RTN4RL2: variants seen among roughly 807,000 people sequenced by gnomAD.
RTN4RL2 encodes the protein reticulon 4 receptor like 2.
RTN4RL2 carries 9 observed loss-of-function variants against 27.8 expected under a neutral mutation model. The observed-to-expected ratio is 0.32, with a 90% CI of 0.20 to 0.57. RTN4RL2 has a LOEUF of 0.57. Among genes scored for constraint, RTN4RL2 ranks in the 20% least tolerant of loss-of-function variants. The pLI is 0.90. For missense variants in RTN4RL2, 436 were observed against 596.8 expected (o/e 0.73, Z 2.81); for synonymous variants, 285 against 297.9 (o/e 0.96, Z 0.45).
At chr11:57,465,784 G>A (rs1943518476) in intron 1 of RTN4RL2, among the ~76,000 whole-genome samples, 1 of 151,812 alleles carries the variant, frequency 6.6e-6, no homozygotes, top group African/African-American at 2.4e-5. Context: ...GGCTCTCTGG[G>A]CCTGCTTTTC....
chr11:57,463,574 C>A (rs1022527371), intron 1 of RTN4RL2, among the ~76,000 whole-genome samples: 1 of 151,820 alleles, frequency 6.6e-6, no homozygotes, highest in African/African-American at 2.4e-5. Flanking sequence ...GGGGTCGGCT[C>A]TAGGTGGCCA....
In RTN4RL2 at chr11:57,476,241, T is replaced by C; in HGVS notation, c.593T>C (p.Val198Ala). The C allele has an allele frequency of 6.2e-7, 1 of 1,612,590 alleles. No homozygotes were observed. Among genetic ancestry groups the C allele is most frequent in the Non-Finnish European group, 8.5e-7 (1 of 1,179,580 alleles). Reference protein sequence around the residue: ...GNRLRLLTEHVFRGLGSLDRL... With the variant: ...GNRLRLLTEHAFRGLGSLDRL... Reference sequence around the variant, plus strand: ...CGCCTGCGGCTGCTCACAGAGCACGTGTTTCGCGGCCTGGGCAGCCTGGAC... The same window carrying C: ...CGCCTGCGGCTGCTCACAGAGCACGCGTTTCGCGGCCTGGGCAGCCTGGAC... The change falls in exon 3 of 3, where the codon GTG becomes GCG. Residue 198 changes from valine (V) to alanine (A), a missense_variant. Coordinates refer to ENST00000335099, the MANE Select transcript of RTN4RL2 (RefSeq NM_178570.3). The surrounding 1 kb of genome is among the most constrained non-coding windows in gnomAD (Gnocchi z 8.2).
rs1230719924 is a variant in RTN4RL2 at position 57,467,110 on chromosome 11, G to A, written c.32-499G>A. On this transcript the variant is annotated intron_variant, in intron 1 of 2. Transcript: ENST00000335099. The surrounding 1 kb of genome is among the most constrained non-coding windows in gnomAD (Gnocchi z 5.5). ...TTTGGCATTATTTTTTAATATATGA[G>A]AAGCCTCAGAAAGTGGAAGTGGCCA... 2.0e-5 allele frequency among the ~76,000 whole-genome samples: 3 copies of A among 152,226 alleles called. No homozygotes were observed. Among genetic ancestry groups the A allele is most frequent in the East Asian group, 1.9e-4 (1 of 5,200 alleles).
intron 2 of RTN4RL2, among the ~76,000 whole-genome samples, 162 bp downstream of exon 2, chr11:57,468,252 A>G (rs1220947811): frequency 6.6e-6 from 1 of 150,586 alleles, no homozygotes. Flanking sequence ...TCTCTCTTAC[A>G]TTCTCCAGGG....
At position 57,476,314 on chromosome 11, in the gene RTN4RL2, C is replaced by G. The variant is rs1429849856; in HGVS notation, c.666C>G (p.Ala222=). 6.2e-7 allele frequency: 1 copy of G among 1,611,172 alleles called. No individual in the cohort carries two copies. The highest frequency in any genetic ancestry group is 8.5e-7 in the Non-Finnish European group (1 of 1,178,974). Residue 222 remains alanine, a synonymous_variant, in exon 3 of 3, where the codon GCC becomes GCG. Transcript: ENST00000335099. The surrounding 1 kb of genome is among the most constrained non-coding windows in gnomAD (Gnocchi z 8.2). ...GNRLQGVHRA[A]FRGLSRLTIL... is the part of the protein sequence containing the mutation. ...GGCTGCAGGGCGTGCACCGCGCGGCCTTCCGCGGCCTCAGCCGCCTCACCA... is the reference window on the plus strand; with the variant it reads ...GGCTGCAGGGCGTGCACCGCGCGGCGTTCCGCGGCCTCAGCCGCCTCACCA...
At chr11:57,471,031 T>A (rs1426667500) in intron 2 of RTN4RL2, among the ~76,000 whole-genome samples, 1 of 151,524 alleles carries the variant, frequency 6.6e-6, no homozygotes, top group African/African-American at 2.4e-5. Context: ...AAGTCAGGAG[T>A]TCGAGACCAG....
chr11:57,465,851 A>G (rs527496802), intron 1 of RTN4RL2, among the ~76,000 whole-genome samples: 51 of 129,498 alleles, frequency 3.9e-4, no homozygotes, highest in African/African-American at 9.1e-4. Context: ...ACTTTGGGGG[A>G]AAAAAAAAAA....
Position 57,476,715 on chromosome 11 carries a change from C to A in RTN4RL2, c.1067C>A (p.Ser356Ter). ...TLYRDLPAED[S>*]RGRQGGDAPT... ...TACCGAGATCTGCCTGCCGAAGACT[C>A]GCGGGGGCGCCAGGGCGGGGACGCG... The change falls in exon 3 of 3, where the codon TCG (serine) becomes TAG (stop). Residue 356 changes from serine to a stop codon, truncating the protein, a stop_gained. Transcript: ENST00000335099. LOFTEE classifies it high-confidence loss of function. The surrounding 1 kb of genome is among the most constrained non-coding windows in gnomAD (Gnocchi z 8.2). 1 of 1,438,048 alleles carries A rather than the reference C, an allele frequency of 7.0e-7. No individual in the cohort carries two copies. Among genetic ancestry groups the A allele is most frequent in the Non-Finnish European group, 9.1e-7 (1 of 1,104,068 alleles). 89.1% of individuals were successfully genotyped at this position (1,438,048 alleles called of 1,614,324 possible). A position where few individuals can be genotyped will look rare whatever the true frequency, so the allele number is the denominator to read the frequency against.
In RTN4RL2 at chr11:57,477,396, A is replaced by T. The variant is rs1371728751; in HGVS notation, c.*485A>T. Reference sequence around the variant, plus strand: ...CCCTCAACCTCCTGACACTGGAGGAATACTTTTCTCCTAAGTCTACCCTGG... The same window carrying T: ...CCCTCAACCTCCTGACACTGGAGGATTACTTTTCTCCTAAGTCTACCCTGG... On this transcript the variant is annotated 3_prime_UTR_variant, in exon 3 of 3. Transcript: ENST00000335099. The T allele has an allele frequency of 1.3e-5, 2 of 155,304 alleles. No individual in the cohort carries two copies. The highest frequency in any genetic ancestry group is 2.8e-5 in the Non-Finnish European group (2 of 70,360). 9.6% of individuals were successfully genotyped at this position (155,304 alleles called of 1,614,324 possible).
rs560899030 is a variant in RTN4RL2, at chr11:57,466,031, C to T, written c.32-1578C>T. Among the ~76,000 whole-genome samples, 44 of 132,932 alleles carry T rather than the reference C, an allele frequency of 3.3e-4. No homozygotes were observed. The South Asian group carries it at 3.4e-3, about 10-fold the overall frequency. The allele number at this position is 132,932 out of a possible 152,430, so 87.2% of individuals were successfully genotyped here. A position where few individuals can be genotyped will look rare whatever the true frequency, so the allele number is the denominator to read the frequency against. On this transcript the variant is annotated intron_variant, in intron 1 of 2. Transcript: ENST00000335099. ...TTTTTTTTTTTTTGATACAGAGTCT[C>T]GCTGTGTCACCCAGGCTGGAGTGCA...
At chr11:57,463,370 AG>A (rs1243632789) in intron 1 of RTN4RL2, among the ~76,000 whole-genome samples, 1 of 152,028 alleles carries the variant, frequency 6.6e-6, no homozygotes, top group Non-Finnish European at 1.5e-5. Context: ...ACTTTAGAGG[AG>A]GGGGTGAGCA....
At chr11:57,470,734 A>C (rs1250265867) in intron 2 of RTN4RL2, among the ~76,000 whole-genome samples, 1 of 152,214 alleles carries the variant, frequency 6.6e-6, no homozygotes, top group Non-Finnish European at 1.5e-5. Context: ...AAATCTCCTT[A>C]TCAATATATA....
At position 57,476,689 on chromosome 11, in the gene RTN4RL2, C is replaced by T. The variant is rs1943598672; in HGVS notation, c.1041C>T (p.Leu347=). The T allele has an allele frequency of 7.0e-7, 1 of 1,438,440 alleles. No homozygotes were observed. The highest frequency in any genetic ancestry group is 1.5e-5 in the African/African-American group (1 of 67,206). The allele number at this position is 1,438,440 out of a possible 1,614,324, so 89.1% of individuals were successfully genotyped here. A position where few individuals can be genotyped will look rare whatever the true frequency, so the allele number is the denominator to read the frequency against. ...AGAPPADPST[L]YRDLPAEDSR... is the part of the protein sequence containing the mutation. ...CGCCCCCAGCCGATCCCTCCACCCT[C>T]TACCGAGATCTGCCTGCCGAAGACT... is the stretch of plus-strand genomic sequence containing the variant. The change falls in exon 3 of 3, where the codon CTC becomes CTT. Residue 347 remains leucine (L), a synonymous_variant. Coordinates refer to ENST00000335099, the MANE Select transcript of RTN4RL2 (RefSeq NM_178570.3). The surrounding 1 kb of genome is among the most constrained non-coding windows in gnomAD (Gnocchi z 8.2).
chr11:57,476,537 C>A lies in RTN4RL2; in HGVS notation c.889C>A (p.Arg297=), dbSNP rs1446810382. ...TCATPPERQG[R]DLRALREADF... ...CGCCACCCCCCCGGAGCGCCAGGGC[C>A]GAGACCTGCGCGCGCTCCGCGAGGC... Residue 297 remains arginine, a synonymous_variant, in exon 3 of 3, where the codon CGA becomes AGA. Coordinates refer to ENST00000335099, the MANE Select transcript of RTN4RL2 (RefSeq NM_178570.3). This position sits in a 1 kb window ranked among gnomAD's most constrained non-coding sequence, Gnocchi z 8.2. The A allele has an allele frequency of 2.1e-6, 3 of 1,416,508 alleles. No individual in the cohort carries two copies. The highest frequency in any genetic ancestry group is 2.7e-6 in the Non-Finnish European group (3 of 1,094,136). 87.7% of individuals were successfully genotyped at this position (1,416,508 alleles called of 1,614,324 possible). A position where few individuals can be genotyped will look rare whatever the true frequency, so the allele number is the denominator to read the frequency against.
In RTN4RL2 at chr11:57,463,675, C is replaced by T. The variant is rs372195440; in HGVS notation, c.31+2779C>T. ...ACAAAATGAAGGCCAGGAGTGGAGC[C>T]GTGGTCCTCGGGAGAGACAGGAGGC... On this transcript the variant is annotated intron_variant, in intron 1 of 2. Coordinates refer to ENST00000335099, the MANE Select transcript of RTN4RL2 (RefSeq NM_178570.3). Among the ~76,000 whole-genome samples the T allele has an allele frequency of 1.4e-4, 21 of 152,048 alleles. No individual in the cohort carries two copies. The South Asian group carries it at 4.4e-3, about 32-fold the overall frequency.
At position 57,476,589 on chromosome 11, in the gene RTN4RL2, C is replaced by T. The variant is rs1036639990; in HGVS notation, c.941C>T (p.Ala314Val). Residue 314 changes from alanine (A) to valine (V), a missense_variant, in exon 3 of 3, where the codon GCA (alanine) becomes GTA (valine). Physicochemically the swap from Ala to Val is moderately conservative, Grantham distance 64. Transcript: ENST00000335099. This position sits in a 1 kb window ranked among gnomAD's most constrained non-coding sequence, Gnocchi z 8.2. ...EADFQACPPA[A>V]PTRPGSRARG... is the part of the protein sequence containing the mutation. ...GACTTCCAGGCGTGTCCGCCCGCGG[C>T]ACCCACGCGGCCGGGCAGCCGCGCC... 2 of 1,399,840 alleles carry T rather than the reference C, an allele frequency of 1.4e-6. No individual in the cohort carries two copies. Among genetic ancestry groups the T allele is most frequent in the Non-Finnish European group, 1.8e-6 (2 of 1,083,542 alleles). 86.7% of individuals were successfully genotyped at this position (1,399,840 alleles called of 1,614,324 possible).
Position 57,477,234 on chromosome 11 carries a change from A to C in RTN4RL2, c.*323A>C, listed in dbSNP as rs1419019459. 8 of 292,798 alleles carry C rather than the reference A, an allele frequency of 2.7e-5. No homozygotes were observed. Among genetic ancestry groups the C allele is most frequent in the Non-Finnish European group, 3.8e-5 (6 of 158,198 alleles). 18.1% of individuals were successfully genotyped at this position (292,798 alleles called of 1,614,324 possible). A position where few individuals can be genotyped will look rare whatever the true frequency, so the allele number is the denominator to read the frequency against. ...GCACTCCTAAGGGCCCACAGCGGAC[A>C]CCAGAGGGGCTTTTGTCTGCAGAGC... On this transcript the variant is annotated 3_prime_UTR_variant, in exon 3 of 3. Coordinates refer to ENST00000335099, the MANE Select transcript of RTN4RL2 (RefSeq NM_178570.3).
chr11:57,461,860 AG>A (rs1034914873), intron 1 of RTN4RL2, among the ~76,000 whole-genome samples: 1 of 151,620 alleles, frequency 6.6e-6, no homozygotes, highest in African/African-American at 2.4e-5. Flanking sequence ...GCTGGAGAGG[AG>A]GGAAGAGGAG....
At position 57,477,173 on chromosome 11, in the gene RTN4RL2, A is replaced by C; in HGVS notation, c.*262A>C. 1 of 387,276 alleles carries C rather than the reference A, an allele frequency of 2.6e-6. No individual in the cohort carries two copies. 24.0% of individuals were successfully genotyped at this position (387,276 alleles called of 1,614,324 possible). A position where few individuals can be genotyped will look rare whatever the true frequency, so the allele number is the denominator to read the frequency against. On this transcript the variant is annotated 3_prime_UTR_variant, in exon 3 of 3. Transcript: ENST00000335099. ...TGGCCATTAACTCTTCCCCATCCCA[A>C]GGCTGGGGTGGGGCCCCCCAGGCAG...
Sources: gnomAD v4.1 joint callset for allele counts (sites outside exome capture counted in the v4.1 genomes callset) on GRCh38, gnomAD v4.1.1 for gene constraint, Gnocchi (gnomAD v3.1) non-coding constraint, MANE v1.5 for transcripts, NCBI Gene and HGNC (gene_info 2026-07-23, HGNC 2026-07-21) for gene names.